The following MECOM variants were observed in gnomAD, a reference collection of about 807,000 sequenced individuals.
MECOM encodes the protein histone-lysine N-methyltransferase MECOM.
In MECOM, 13 loss-of-function variants were observed where a neutral mutation model predicts 116.3. That is an observed-to-expected ratio of 0.11 (90% confidence interval 0.07 to 0.18). MECOM has a LOEUF of 0.18. Ranked by LOEUF, MECOM falls within the 10% of genes least tolerant of loss-of-function variation. MECOM has a pLI of 1.00. For missense variants in MECOM, 1,299 were observed against 1,509.0 expected (o/e 0.86, Z 2.31); for synonymous variants, 528 against 535.2 (o/e 0.99, Z 0.19).
intron 1 of MECOM, among the ~76,000 whole-genome samples, chr3:169,552,266 G>A (rs1560423514): frequency 6.6e-6 from 1 of 150,634 alleles, no homozygotes; most frequent in African/African-American, 2.4e-5. Flanking sequence ...AGTTCTTCAG[G>A]TGTGATGAAA....
chr3:169,102,007 G>T lies in MECOM; in HGVS notation c.2771+53C>A, dbSNP rs1015208271. On this transcript the variant is annotated intron_variant, in intron 11 of 16. Transcript: ENST00000651503. Reference sequence around the variant, plus strand: ...TCCAAAACAAACAGCAAGACCTTTTGAAATCAGAGGGGAGATTTCTGGAAA... The same window carrying T: ...TCCAAAACAAACAGCAAGACCTTTTTAAATCAGAGGGGAGATTTCTGGAAA... The T allele has an allele frequency of 9.7e-6, 15 of 1,541,268 alleles. No homozygotes were observed. In the African/African-American group the frequency reaches 1.8e-4, roughly 18 times the overall value.
intron 1 of MECOM, among the ~76,000 whole-genome samples, chr3:169,454,624 T>C (rs1350422579): frequency 1.3e-5 from 2 of 152,180 alleles, no homozygotes; most frequent in Non-Finnish European, 2.9e-5. Flanking sequence ...TGATCTTTAT[T>C]TTGGTGTAAC....
chr3:169,657,153 C>T (rs1458176104), intron 1 of MECOM, among the ~76,000 whole-genome samples: 2 of 152,234 alleles, frequency 1.3e-5, no homozygotes, highest in African/African-American at 4.8e-5. Flanking sequence ...GGCTCTCTGT[C>T]CCCTGTAGAC....
chr3:169,476,000 A>T (rs1397338866), intron 1 of MECOM, among the ~76,000 whole-genome samples: 1 of 152,214 alleles, frequency 6.6e-6, no homozygotes, highest in Non-Finnish European at 1.5e-5. Flanking sequence ...GCTTGATGCC[A>T]CTTTTCGCAG....
intron 2 of MECOM, among the ~76,000 whole-genome samples, chr3:169,191,732 G>GAAA (rs1314752184): frequency 3.0e-5 from 1 of 33,300 alleles, no homozygotes. Context: ...AAGAAAGAAA[G>GAAA]AAAGAAAGAG....
intron 2 of MECOM, among the ~76,000 whole-genome samples, chr3:169,218,226 T>C (rs1348253584): frequency 6.6e-6 from 1 of 152,136 alleles, no homozygotes; most frequent in African/African-American, 2.4e-5. Context: ...AAAGGATCCA[T>C]TAATCAAAAT....
intron 1 of MECOM, among the ~76,000 whole-genome samples, chr3:169,625,783 T>C (rs770653474): frequency 6.6e-6 from 1 of 152,226 alleles, no homozygotes; most frequent in African/African-American, 2.4e-5. Flanking sequence ...TATTTGGCAA[T>C]GTGAGCTTCG....
At chr3:169,128,701 T>C (rs1486804706) in intron 4 of MECOM, among the ~76,000 whole-genome samples, 3 of 152,350 alleles carry the variant, frequency 2.0e-5, no homozygotes, top group Non-Finnish European at 2.9e-5. Context: ...AGTACCCTTC[T>C]AGGCTAATTT....
chr3:169,546,976 G>A (rs1760795024), intron 1 of MECOM, among the ~76,000 whole-genome samples: 1 of 152,066 alleles, frequency 6.6e-6, no homozygotes, highest in Non-Finnish European at 1.5e-5. Context: ...TTTTTATAAA[G>A]GCAGAAAAAT....
chr3:169,355,170 A>C (rs1298234047), intron 2 of MECOM, among the ~76,000 whole-genome samples: 1 of 151,998 alleles, frequency 6.6e-6, no homozygotes, highest in Non-Finnish European at 1.5e-5. Context: ...TGCGATTAGC[A>C]GCGAAACATA....
At chr3:169,339,888 T>C (rs1403853687) in intron 2 of MECOM, among the ~76,000 whole-genome samples, 1 of 152,152 alleles carries the variant, frequency 6.6e-6, no homozygotes, top group Non-Finnish European at 1.5e-5. Context: ...GAGTCAAATA[T>C]ATGATGTGGG....
At chr3:169,372,443 T>C (rs1192416000) in intron 2 of MECOM, among the ~76,000 whole-genome samples, 2 of 152,070 alleles carry the variant, frequency 1.3e-5, no homozygotes, top group African/African-American at 2.4e-5. Flanking sequence ...AAATTTTTCT[T>C]TCACGTAAAC....
chr3:169,214,180 C>T (rs1454954335), intron 2 of MECOM, among the ~76,000 whole-genome samples: 2 of 151,216 alleles, frequency 1.3e-5, no homozygotes, highest in South Asian at 4.2e-4. Flanking sequence ...TAAAAGCCAA[C>T]TTTTTTTTTA....
Position 169,115,559 on chromosome 3 carries a change from C to T in MECOM, c.2313G>A (p.Gln771=), listed in dbSNP as rs1047022177. ...TACTGCCCATACTTAGATCCAGGGG[C>T]TGGTCTTGGCTTGTGGCAGGTGTCA... ...PPVTPATSQD[Q]PLDLSMGSRS... is the part of the protein sequence containing the mutation. The change falls in exon 8 of 17, where the codon CAG becomes CAA. Residue 771 remains glutamine, a synonymous_variant. Coordinates refer to ENST00000651503, the MANE Select transcript of MECOM (RefSeq NM_004991.4). 4.3e-6 allele frequency: 7 copies of T among 1,613,970 alleles called. No homozygotes were observed. The highest frequency in any genetic ancestry group is 4.2e-6 in the Non-Finnish European group (5 of 1,180,014).
chr3:169,306,590 A>G (rs1560110925), intron 2 of MECOM, among the ~76,000 whole-genome samples: 1 of 152,202 alleles, frequency 6.6e-6, no homozygotes, highest in Non-Finnish European at 1.5e-5. Flanking sequence ...CTGAGGCAGG[A>G]GAATCACTTG....
chr3:169,093,655 A>G (rs1720559572), intron 13 of MECOM, among the ~76,000 whole-genome samples: 1 of 152,210 alleles, frequency 6.6e-6, no homozygotes, highest in African/African-American at 2.4e-5. Context: ...TTAAAAGGAC[A>G]ATATTAGATA....
At chr3:169,370,593 T>C (rs1054495789) in intron 2 of MECOM, among the ~76,000 whole-genome samples, 2 of 151,592 alleles carry the variant, frequency 1.3e-5, no homozygotes, top group Non-Finnish European at 1.5e-5. Flanking sequence ...AGAAAACCTA[T>C]GGAATGGGAG....
At chr3:169,265,734 A>G (rs1758196456) in intron 2 of MECOM, among the ~76,000 whole-genome samples, 2 of 152,210 alleles carry the variant, frequency 1.3e-5, no homozygotes, top group South Asian at 4.1e-4. Flanking sequence ...ATGCAAGAGG[A>G]TGTGTTCTAC....
chr3:169,405,615 A>T (rs941697919), intron 1 of MECOM, among the ~76,000 whole-genome samples: 149 of 152,296 alleles, frequency 9.8e-4, no homozygotes, highest in African/African-American at 3.6e-3. Flanking sequence ...AACTCCACAA[A>T]CTAGCCATAT....
Sources: gnomAD v4.1 joint callset for allele counts (sites outside exome capture counted in the v4.1 genomes callset) on GRCh38, gnomAD v4.1.1 for gene constraint, MANE v1.5 for transcripts, NCBI Gene and HGNC (gene_info 2026-07-23, HGNC 2026-07-21) for gene names.